The following TACR3 variants were observed in gnomAD, a reference collection of about 807,000 sequenced individuals.
TACR3 encodes the protein tachykinin receptor 3, also known as neuromedin-K receptor.
Under a neutral mutation model 35.0 loss-of-function variants are expected in TACR3, and 34 were observed. That is an observed-to-expected ratio of 0.97 (90% confidence interval 0.74 to 1.30). The LOEUF is 1.30. Among genes scored for constraint, TACR3 ranks in the 50% most tolerant of loss-of-function variants. The pLI is 0.00. For synonymous variants in TACR3, 233 were observed against 221.1 expected, an observed-to-expected ratio of 1.05 and a Z score of -0.48; for missense variants, 558 against 591.7, an observed-to-expected ratio of 0.94 and a Z score of 0.59.
chr4:103,598,537 G>A (rs1724100797), intron 3 of TACR3, among the ~76,000 whole-genome samples: 1 of 152,114 alleles, frequency 6.6e-6, no homozygotes, highest in East Asian at 1.9e-4. Flanking sequence ...CCATGCCTAT[G>A]TACTGAATGG....
chr4:103,662,375 C>A (rs1049986285), intron 1 of TACR3, among the ~76,000 whole-genome samples: 1 of 152,104 alleles, frequency 6.6e-6, no homozygotes, highest in African/African-American at 2.4e-5. Context: ...TGCCCGCCAC[C>A]ACGCCCGGCT....
chr4:103,690,309 C>G (rs372320050), intron 1 of TACR3, among the ~76,000 whole-genome samples: 70 of 152,096 alleles, frequency 4.6e-4, no homozygotes, highest in Middle Eastern at 6.8e-3. Context: ...GTAAAACACA[C>G]CATGCAAACA....
At chr4:103,676,800 G>A (rs1726180718) in intron 1 of TACR3, among the ~76,000 whole-genome samples, 1 of 152,048 alleles carries the variant, frequency 6.6e-6, no homozygotes, top group African/African-American at 2.4e-5. Flanking sequence ...ACATAGGCAC[G>A]GGCAAAGATT....
intron 1 of TACR3, among the ~76,000 whole-genome samples, chr4:103,683,470 C>CAAA (rs57761679): frequency 3.9e-3 from 82 of 21,126 alleles, no homozygotes; most frequent in Non-Finnish European, 5.1e-3. Flanking sequence ...AAAGACTGAC[C>CAAA]AAAAAAAAAA....
intron 1 of TACR3, among the ~76,000 whole-genome samples, chr4:103,670,418 G>C (rs60950817): frequency 0.15 from 23,339 of 151,782 alleles, 2,314 homozygotes; most frequent in East Asian, 0.43. Flanking sequence ...AGAGTGCTTG[G>C]GGTAGAATAG....
chr4:103,589,894 G>T lies in TACR3; in HGVS notation c.1186C>A (p.Arg396=), dbSNP rs201065494. 5.7e-5 allele frequency: 92 copies of T among 1,613,950 alleles called. No homozygotes were observed. The Middle Eastern group carries it at 6.6e-4, about 12-fold the overall frequency. The change falls in exon 5 of 5, where the codon CGG becomes AGG. Residue 396 remains arginine (R), a synonymous_variant. Coordinates refer to ENST00000304883, the MANE Select transcript of TACR3 (RefSeq NM_001059.3). ...GTCACGGTGTACATACTGCTTTGCC[G>T]GTTTGGATGAAACCTGGTGGTCTTG... is the stretch of plus-strand genomic sequence containing the variant. ...ELKTTRFHPN[R]QSSMYTVTRM...
intron 3 of TACR3, among the ~76,000 whole-genome samples, chr4:103,605,005 A>G (rs1724321349): frequency 3.9e-5 from 5 of 128,618 alleles, no homozygotes; most frequent in Admixed American, 1.8e-4. Flanking sequence ...AACAGTCCCC[A>G]GAGTGTGATG....
chr4:103,604,987 C>T (rs1162133641), intron 3 of TACR3, among the ~76,000 whole-genome samples: 3 of 130,832 alleles, frequency 2.3e-5, no homozygotes, highest in African/African-American at 5.8e-5. Context: ...CCCCTCCCCC[C>T]ACCCCACAAC....
chr4:103,639,128 G>C (rs1410364745), intron 3 of TACR3, among the ~76,000 whole-genome samples: 2 of 152,066 alleles, frequency 1.3e-5, no homozygotes, highest in Non-Finnish European at 1.5e-5. Context: ...CTGCTATAAA[G>C]ACACATGCAC....
chr4:103,596,575 T>A (rs1323348384), intron 3 of TACR3, among the ~76,000 whole-genome samples: 1 of 152,116 alleles, frequency 6.6e-6, no homozygotes, highest in Non-Finnish European at 1.5e-5. Context: ...AAAACAAAAC[T>A]GCTTGTTTTG....
At chr4:103,673,547 A>G (rs1024566117) in intron 1 of TACR3, among the ~76,000 whole-genome samples, 1 of 152,176 alleles carries the variant, frequency 6.6e-6, no homozygotes, top group African/African-American at 2.4e-5. Context: ...GCTCCAAAAC[A>G]ATTACCAGAG....
intron 1 of TACR3, among the ~76,000 whole-genome samples, chr4:103,686,022 T>G (rs919080747): frequency 6.6e-6 from 1 of 152,144 alleles, no homozygotes; most frequent in Admixed American, 6.6e-5. Flanking sequence ...TCTCAGTTGT[T>G]AAAACAATCA....
intron 1 of TACR3, among the ~76,000 whole-genome samples, chr4:103,709,353 A>G (rs1297042272): frequency 6.6e-6 from 1 of 152,224 alleles, no homozygotes; most frequent in African/African-American, 2.4e-5. Flanking sequence ...GCCAATATTC[A>G]ACATTCTTAA....
At chr4:103,637,652 C>G (rs987869039) in intron 3 of TACR3, among the ~76,000 whole-genome samples, 1 of 152,054 alleles carries the variant, frequency 6.6e-6, no homozygotes, top group African/African-American at 2.4e-5. Context: ...TCAAATTGTC[C>G]CTGTTTGCAG....
intron 3 of TACR3, among the ~76,000 whole-genome samples, chr4:103,600,375 T>A (rs1724165934): frequency 6.6e-6 from 1 of 152,040 alleles, no homozygotes; most frequent in African/African-American, 2.4e-5. Context: ...GCTAGCAGTC[T>A]ATCAATCAAT....
intron 1 of TACR3, among the ~76,000 whole-genome samples, chr4:103,701,080 A>G (rs566982832): frequency 2.0e-4 from 30 of 152,240 alleles, no homozygotes; most frequent in African/African-American, 6.3e-4. Context: ...AATAAAGGGT[A>G]TTCAATTAGG....
intron 1 of TACR3, among the ~76,000 whole-genome samples, chr4:103,718,301 T>A (rs904666743): frequency 1.3e-5 from 2 of 152,152 alleles, no homozygotes; most frequent in African/African-American, 4.8e-5. Flanking sequence ...GAGACTGAAA[T>A]CAACTGCTAT....
intron 1 of TACR3, among the ~76,000 whole-genome samples, chr4:103,662,201 C>T (rs1725847108): frequency 1.3e-5 from 2 of 149,760 alleles, no homozygotes; most frequent in South Asian, 4.2e-4. Flanking sequence ...ATGTGAAAAA[C>T]TCCTATGTTG....
intron 3 of TACR3, among the ~76,000 whole-genome samples, chr4:103,654,416 A>G (rs1442073895): frequency 8.8e-6 from 1 of 114,032 alleles, no homozygotes; most frequent in Non-Finnish European, 1.7e-5. Flanking sequence ...ATGAAACTGG[A>G]AACATCATTC....
Sources: allele counts gnomAD v4.1 joint callset (sites outside exome capture counted in the v4.1 genomes callset), GRCh38; gene constraint gnomAD v4.1.1; transcripts MANE v1.5; gene names NCBI Gene and HGNC (gene_info 2026-07-23, HGNC 2026-07-21).